The following HDAC5 variants were observed in gnomAD, a reference collection of about 807,000 sequenced individuals.
HDAC5 encodes antigen NY-CO-9.
HDAC5 carries 25 observed loss-of-function variants against 133.3 expected under a neutral mutation model. The observed-to-expected ratio is 0.19, with a 90% CI of 0.14 to 0.26. The LOEUF is 0.26. Among genes scored for constraint, HDAC5 ranks in the 10% least tolerant of loss-of-function variants. The pLI is 1.00. For missense variants in HDAC5, 1,041 were observed against 1,460.5 expected, an observed-to-expected ratio of 0.71 and a Z score of 4.68; for synonymous variants, 589 against 610.8, an observed-to-expected ratio of 0.96 and a Z score of 0.53.
Position 44,078,636 on chromosome 17 carries a change from C to T in HDAC5, c.3193G>A (p.Ala1065Thr), listed in dbSNP as rs376847963. The T allele has an allele frequency of 2.7e-5, 44 of 1,605,912 alleles. No homozygotes were observed. Among genetic ancestry groups the T allele is most frequent in the East Asian group, 2.0e-4 (9 of 44,846 alleles). Residue 1065 changes from alanine to threonine, a missense_variant, in exon 26 of 27, where the codon GCC (alanine) becomes ACC (threonine). This residue lies in a region of HDAC5 where 95 missense variants were observed against 107.3 expected (regional missense o/e 0.88). Coordinates refer to ENST00000682912, the MANE Select transcript of HDAC5 (RefSeq NM_005474.5). ...CGCAGGGACCGGCCCAGACCAGCGG[C>T]GAACTTCTGCACACAGCTCCAGTGT... ...SKHWSCVQKF[A>T]AGLGRSLREA... is the part of the protein sequence containing the mutation.
At chr17:44,122,564 T>C (rs2053076395) in intron 1 of HDAC5, among the ~76,000 whole-genome samples, 1 of 152,088 alleles carries the variant, frequency 6.6e-6, no homozygotes, top group South Asian at 2.1e-4. Context: ...GGGACACACC[T>C]CATTTCAGAA....
chr17:44,078,770 A>C (rs1299860486), intron 25 of HDAC5, 25 bp downstream of exon 25: 7 of 1,613,118 alleles, frequency 4.3e-6, no homozygotes, highest in Non-Finnish European at 5.9e-6. Flanking sequence ...TGGCAGCCTG[A>C]GCCCCTCTAC....
At chr17:44,082,504 C>G in intron 20 of HDAC5, 81 bp downstream of exon 20, 1 of 1,123,264 alleles carries the variant, frequency 8.9e-7, no homozygotes, top group Non-Finnish European at 1.4e-6. Flanking sequence ...GAAGGTGGGG[C>G]TGGGGGAGGA....
Position 44,082,674 on chromosome 17 carries a change from TGAG to T in HDAC5, c.2520-5_2520-3del, listed in dbSNP as rs2050451270. On this transcript the variant is annotated splice_region_variant and splice_polypyrimidine_tract_variant and intron_variant, in intron 19 of 26. Coordinates refer to ENST00000682912, the MANE Select transcript of HDAC5 (RefSeq NM_005474.5). ...ACAGAGTTGAAGAAGCAGAATCCCC[TGAG>T]GAGGGGAGAAAAGGGCAGGAGGTCA... 6.2e-7 allele frequency: 1 copy of T among 1,613,704 alleles called. No individual in the cohort carries two copies. The highest frequency in any genetic ancestry group is 1.3e-5 in the African/African-American group (1 of 74,856).
At chr17:44,109,919 A>G (rs1262195464) in intron 3 of HDAC5, among the ~76,000 whole-genome samples, 1 of 152,254 alleles carries the variant, frequency 6.6e-6, no homozygotes, top group Non-Finnish European at 1.5e-5. Flanking sequence ...TGTGCCAGGA[A>G]GGCTTGATGC....
At position 44,093,663 on chromosome 17, in the gene HDAC5, A is replaced by AGCT; in HGVS notation, c.263_265dup (p.Gln88dup). The AGCT allele has an allele frequency of 6.2e-7, 1 of 1,611,988 alleles. No individual in the cohort carries two copies. Among genetic ancestry groups the AGCT allele is most frequent in the Non-Finnish European group, 8.5e-7 (1 of 1,179,456 alleles). On this transcript the variant is annotated inframe_insertion, in exon 4 of 27. Transcript: ENST00000682912. ...CTCAGCGAACAGGAGCTGCTTCTGC[A>AGCT]GCTGCTGCTGCTGCTTGAGCGCCAG...
In HDAC5 at chr17:44,085,384, T is replaced by C. The variant is rs144426702; in HGVS notation, c.2051-229A>G. The C allele has an allele frequency of 1.2e-4, 47 of 379,390 alleles. No homozygotes were observed. The East Asian group carries it at 1.6e-3, about 13-fold the overall frequency. 23.5% of individuals were successfully genotyped at this position (379,390 alleles called of 1,614,324 possible). On this transcript the variant is annotated intron_variant, in intron 14 of 26. Transcript: ENST00000682912. ...CTCTGTCACCCAGGCTGGAGTGGAG[T>C]GTGTAGTGGTGCTATCATGGCTCAC...
chr17:44,094,648 G>C (rs1413064409), intron 3 of HDAC5, among the ~76,000 whole-genome samples: 1 of 151,826 alleles, frequency 6.6e-6, no homozygotes, highest in East Asian at 1.9e-4. Context: ...AAAAAATAAA[G>C]AAAATGTGCA....
chr17:44,121,230 A>G (rs887464757), intron 1 of HDAC5, among the ~76,000 whole-genome samples: 1 of 152,056 alleles, frequency 6.6e-6, no homozygotes, highest in East Asian at 1.9e-4. Flanking sequence ...TCTTCCCAGC[A>G]CTACCAGGCA....
At chr17:44,091,570 A>AC (rs1170642852) in intron 10 of HDAC5, 78 bp from the exon 11 acceptor site, 2 of 1,477,476 alleles carry the variant, frequency 1.4e-6, no homozygotes, top group Non-Finnish European at 1.8e-6. Flanking sequence ...CCCACTATCT[A>AC]CCCCCCAAGC....
intron 3 of HDAC5, among the ~76,000 whole-genome samples, chr17:44,095,331 G>A (rs767251786): frequency 1.4e-4 from 22 of 152,086 alleles, no homozygotes; most frequent in Non-Finnish European, 2.4e-4. Context: ...TCTCAACACC[G>A]TGCCCCATGC....
rs2053021800 is a variant in HDAC5, at chr17:44,121,794, G to A, written c.-190+1710C>T. Among the ~76,000 whole-genome samples the A allele has an allele frequency of 2.0e-5, 3 of 152,110 alleles. No individual in the cohort carries two copies. The South Asian group carries it at 6.2e-4, about 31-fold the overall frequency. On this transcript the variant is annotated intron_variant, in intron 1 of 26. Coordinates refer to ENST00000682912, the MANE Select transcript of HDAC5 (RefSeq NM_005474.5). ...AAATTACATGATCCAGCCAAAGTAG[G>A]AGGATATATTGGAAAAGAAGGGGAG...
At chr17:44,095,830 A>G (rs1567668738) in intron 3 of HDAC5, among the ~76,000 whole-genome samples, 1 of 152,004 alleles carries the variant, frequency 6.6e-6, no homozygotes, top group Non-Finnish European at 1.5e-5. Flanking sequence ...GCTTCGGCAG[A>G]GATCTCAGAA....
intron 2 of HDAC5, 188 bp from the exon 3 acceptor site, chr17:44,110,988 G>C: frequency 1.7e-6 from 1 of 595,630 alleles, no homozygotes; most frequent in South Asian, 1.8e-5. Flanking sequence ...CCACACTGTA[G>C]GGAAGTGCCT....
rs1279591996 is a variant in HDAC5 at position 44,084,562 on chromosome 17, C to T, written c.2298G>A (p.Lys766=). ...PLNRQKLDSK[K]LLGPISQKMY... is the part of the protein sequence containing the mutation. ...ACCCATGTGCCAGCTCACCGAGCAA[C>T]TTCTTGCTGTCTAGCTTCTGCCGGT... The change falls in exon 16 of 27, where the codon AAG becomes AAA. Residue 766 remains lysine, a synonymous_variant. Transcript: ENST00000682912. The T allele has an allele frequency of 1.2e-6, 2 of 1,614,078 alleles. No individual in the cohort carries two copies. The highest frequency in any genetic ancestry group is 1.1e-5 in the South Asian group (1 of 91,084).
chr17:44,091,704 A>G lies in HDAC5; in HGVS notation c.1160T>C (p.Leu387Pro). 1 of 1,560,068 alleles carries G rather than the reference A, an allele frequency of 6.4e-7. No homozygotes were observed. The highest frequency in any genetic ancestry group is 8.7e-7 in the Non-Finnish European group (1 of 1,154,180). The change falls in exon 10 of 27, where the codon CTC becomes CCC. Residue 387 changes from leucine to proline, a missense_variant. By Grantham distance (98) the Leu-to-Pro change is moderately conservative. This residue lies in a region of HDAC5 where 433 missense variants were observed against 531.6 expected (regional missense o/e 0.81). Transcript: ENST00000682912. ...GGGTATATGCCCTGTACTTACAGTGAGGTGTGAGTTGGTGACAGTGACCGT... is the reference window on the plus strand; with the variant it reads ...GGGTATATGCCCTGTACTTACAGTGGGGTGTGAGTTGGTGACAGTGACCGT... ...QATVTVTNSH[L>P]TASPKLSTQQ...
intron 2 of HDAC5, among the ~76,000 whole-genome samples, chr17:44,115,105 T>C (rs1257277742): frequency 6.6e-6 from 1 of 152,176 alleles, no homozygotes; most frequent in Non-Finnish European, 1.5e-5. Context: ...CATCTCATAT[T>C]TTCTTCTGTC....
rs1224661617 is a variant in HDAC5 at position 44,111,236 on chromosome 17, C to T, written c.23-436G>A. 7 of 286,444 alleles carry T rather than the reference C, an allele frequency of 2.4e-5. 1 individual carries two copies. The highest frequency in any genetic ancestry group is 1.7e-4 in the South Asian group (5 of 29,528). 17.7% of individuals were successfully genotyped at this position (286,444 alleles called of 1,614,324 possible). On this transcript the variant is annotated intron_variant, in intron 2 of 26. Transcript: ENST00000682912. The stretch of plus-strand genomic sequence containing the variant: ...CCCTGCTCCTCCTTCCCGAATGAGC[C>T]GCCGCCGGCAGCTGGCAGGAGACTG...
At chr17:44,122,365 C>T (rs572670617) in intron 1 of HDAC5, among the ~76,000 whole-genome samples, 2 of 152,082 alleles carry the variant, frequency 1.3e-5, no homozygotes, top group Non-Finnish European at 2.9e-5. Flanking sequence ...CACCCTCCCC[C>T]CCACCTCCTT....
Sources: allele counts gnomAD v4.1 joint callset (sites outside exome capture counted in the v4.1 genomes callset), GRCh38; gene constraint gnomAD v4.1.1; regional missense constraint gnomAD v4.1.1; transcripts MANE v1.5; gene names NCBI Gene and HGNC (gene_info 2026-07-23, HGNC 2026-07-21).